Variants in ZNF143 observed in about 807,000 individuals in gnomAD.
ZNF143 encodes SPH-binding factor.
ZNF143 carries 49 observed loss-of-function variants against 74.1 expected under a neutral mutation model. The ratio of observed to expected loss-of-function variants is 0.66; its 90% CI spans 0.53 to 0.84. The LOEUF (loss-of-function observed/expected upper bound fraction) is 0.84. Ranked by LOEUF, ZNF143 falls within the 40% of genes least tolerant of loss-of-function variation. The pLI is 0.00. For missense variants in ZNF143, 637 were observed against 793.4 expected (o/e 0.80, Z 2.37); for synonymous variants, 304 against 282.8 (o/e 1.07, Z -0.75).
chr11:9,486,449 A>AT (rs1196448055), intron 7 of ZNF143, among the ~76,000 whole-genome samples: 2 of 70,290 alleles, frequency 2.8e-5, no homozygotes, highest in African/African-American at 1.1e-4. Context: ...AATATATTAT[A>AT]TATATTATAT....
intron 5 of ZNF143, among the ~76,000 whole-genome samples, chr11:9,478,151 T>C (rs1445159923): frequency 6.6e-6 from 1 of 152,172 alleles, no homozygotes; most frequent in Non-Finnish European, 1.5e-5. Context: ...AATTTTCTGA[T>C]TGCTAAGGAA....
chr11:9,519,130 C>A lies in ZNF143; in HGVS notation c.1686+2768C>A, dbSNP rs145893570. Among the ~76,000 whole-genome samples the A allele has an allele frequency of 7.9e-5, 12 of 152,176 alleles. No homozygotes were observed. The East Asian group carries it at 2.1e-3, about 27-fold the overall frequency. On this transcript the variant is annotated intron_variant, in intron 14 of 15. Transcript: ENST00000396602. ...AACAAAATGTAGAACATTTCTATCA[C>A]GCTAGAAAGTTACCTTGTGATTCCT...
chr11:9,513,827 G>T (rs564378323), intron 13 of ZNF143, among the ~76,000 whole-genome samples: 1 of 152,172 alleles, frequency 6.6e-6, no homozygotes, highest in Non-Finnish European at 1.5e-5. Context: ...CCCAGGAGGC[G>T]GGGTAAGACA....
chr11:9,477,680 A>G (rs1325034151), intron 5 of ZNF143, among the ~76,000 whole-genome samples: 1 of 152,218 alleles, frequency 6.6e-6, no homozygotes, highest in Non-Finnish European at 1.5e-5. Context: ...CAGTATAGAT[A>G]TAGATATATC....
At chr11:9,505,383 C>T (rs548968020) in intron 11 of ZNF143, among the ~76,000 whole-genome samples, 1 of 152,026 alleles carries the variant, frequency 6.6e-6, no homozygotes, top group African/African-American at 2.4e-5. Context: ...GATTCTCCTG[C>T]CTCAGCCTCC....
At position 9,478,069 on chromosome 11, in the gene ZNF143, G is replaced by A. The variant is rs375126017; in HGVS notation, c.374-321G>A. 1.8e-4 allele frequency among the ~76,000 whole-genome samples: 27 copies of A among 152,242 alleles called. No homozygotes were observed. The East Asian group carries it at 4.2e-3, about 24-fold the overall frequency. ...TCTCAATCTCCTGACCTCGTGATCC[G>A]CCCGCCTCGGCCTCCCAGAGTCCTG... On this transcript the variant is annotated intron_variant, in intron 5 of 15. Transcript: ENST00000396602.
chr11:9,525,695 G>A (rs966036704), intron 15 of ZNF143, among the ~76,000 whole-genome samples: 1 of 152,148 alleles, frequency 6.6e-6, no homozygotes, highest in Non-Finnish European at 1.5e-5. Context: ...GCAGGGGTCT[G>A]TAAAGCACTT....
intron 9 of ZNF143, among the ~76,000 whole-genome samples, chr11:9,497,225 T>C (rs1847991182): frequency 6.6e-6 from 1 of 152,172 alleles, no homozygotes; most frequent in Non-Finnish European, 1.5e-5. Flanking sequence ...TATGATACTT[T>C]TGTACATTTT....
chr11:9,492,164 G>A (rs1356761421), intron 7 of ZNF143, among the ~76,000 whole-genome samples: 1 of 142,924 alleles, frequency 7.0e-6, no homozygotes, highest in Non-Finnish European at 1.5e-5. Flanking sequence ...AGGCTGGAGT[G>A]CAGTGGCGTG....
At chr11:9,519,089 T>C (rs1287634370) in intron 14 of ZNF143, among the ~76,000 whole-genome samples, 1 of 152,214 alleles carries the variant, frequency 6.6e-6, no homozygotes, top group Non-Finnish European at 1.5e-5. Flanking sequence ...TATGCACCCA[T>C]ATAACTAACA....
chr11:9,492,133 C>T (rs555261792), intron 7 of ZNF143, among the ~76,000 whole-genome samples: 19 of 108,080 alleles, frequency 1.8e-4, no homozygotes, highest in African/African-American at 5.8e-4. Context: ...TTTTTTGAGA[C>T]GGAGTCTTGC....
intron 13 of ZNF143, among the ~76,000 whole-genome samples, chr11:9,514,852 G>A (rs1192097402): frequency 6.6e-6 from 1 of 152,222 alleles, no homozygotes; most frequent in Non-Finnish European, 1.5e-5. Context: ...GTCTGGGCTG[G>A]GCACAGTGGC....
chr11:9,504,586 A>C (rs1322912521), intron 11 of ZNF143, among the ~76,000 whole-genome samples: 1 of 126,668 alleles, frequency 7.9e-6, no homozygotes, highest in African/African-American at 2.5e-5. Flanking sequence ...TTAGTTTTAT[A>C]AGAAAAATTT....
rs773991516 is a variant in ZNF143 at position 9,474,538 on chromosome 11, A to C, written c.290-12A>C. The C allele has an allele frequency of 1.2e-6, 2 of 1,614,040 alleles. No individual in the cohort carries two copies. Among genetic ancestry groups the C allele is most frequent in the Non-Finnish European group, 1.7e-6 (2 of 1,179,918 alleles). The stretch of plus-strand genomic sequence containing the variant: ...GAAAACATGAGATCTAAATGTAAGC[A>C]TTGTTCTTGAGCAGGGGACAGTTTG... On this transcript the variant is annotated splice_polypyrimidine_tract_variant and intron_variant, in intron 4 of 15. Coordinates refer to ENST00000396602, the MANE Select transcript of ZNF143 (RefSeq NM_003442.6).
chr11:9,498,558 T>C (rs1174567040), intron 10 of ZNF143, among the ~76,000 whole-genome samples: 1 of 152,232 alleles, frequency 6.6e-6, no homozygotes, highest in Non-Finnish European at 1.5e-5. Context: ...AATTTTATCT[T>C]CTTTTCCTAA....
chr11:9,501,098 G>T lies in ZNF143; in HGVS notation c.975G>T (p.Arg325Ser). ...QKHIRTHTGE[R>S]PFKCPFEGCG... ...TACCCTTTATATTTGCAGGAGAAAG[G>T]CCCTTTAAGTGTCCCTTCGAAGGCT... is the stretch of plus-strand genomic sequence containing the variant. Residue 325 changes from arginine (R) to serine (S), a missense_variant, in exon 11 of 16, where the codon AGG (arginine) becomes AGT (serine). Coordinates refer to ENST00000396602, the MANE Select transcript of ZNF143 (RefSeq NM_003442.6). 6.2e-7 allele frequency: 1 copy of T among 1,614,144 alleles called. No individual in the cohort carries two copies. The highest frequency in any genetic ancestry group is 8.5e-7 in the Non-Finnish European group (1 of 1,180,014).
intron 7 of ZNF143, among the ~76,000 whole-genome samples, chr11:9,480,171 A>G (rs372025580): frequency 1.3e-5 from 2 of 152,214 alleles, no homozygotes; most frequent in African/African-American, 4.8e-5. Flanking sequence ...CAGTGCTTCT[A>G]AAAGTTTTGT....
At chr11:9,518,497 G>A (rs1182793461) in intron 14 of ZNF143, among the ~76,000 whole-genome samples, 1 of 152,232 alleles carries the variant, frequency 6.6e-6, no homozygotes, top group African/African-American at 2.4e-5. Flanking sequence ...TGGATCACCT[G>A]AGGTCAGGAA....
At chr11:9,486,453 AT>A (rs1847551998) in intron 7 of ZNF143, among the ~76,000 whole-genome samples, 3 of 65,404 alleles carry the variant, frequency 4.6e-5, no homozygotes, top group Admixed American at 5.3e-4. Context: ...TATTATATAT[AT>A]TATATATATA....
Sources: gnomAD v4.1 joint callset for allele counts (sites outside exome capture counted in the v4.1 genomes callset) on GRCh38, gnomAD v4.1.1 for gene constraint, MANE v1.5 for transcripts, NCBI Gene and HGNC (gene_info 2026-07-23, HGNC 2026-07-21) for gene names.